Variants in RTL1 observed in about 807,000 individuals in gnomAD.
RTL1 encodes retrotransposon-like protein 1.
For synonymous variants in RTL1, 727 were observed against 748.4 expected (o/e 0.97, Z 0.47); for missense variants, 1,681 against 1,767.5 (o/e 0.95, Z 0.88).
In RTL1 at chr14:100,893,217, G is replaced by A. The variant is rs1247262034; in HGVS notation, c.-87+227C>T. 6.6e-6 allele frequency among the ~76,000 whole-genome samples: 1 copy of A among 152,148 alleles called. No individual in the cohort carries two copies. The highest frequency in any genetic ancestry group is 1.5e-5 in the Non-Finnish European group (1 of 68,018). ...ACTCATTCTAGCTTATTTGGTGTTC[G>A]AGGAGGGACAGGACAGCTGGCCCAG... On this transcript the variant is annotated intron_variant, in intron 3 of 3. Transcript: ENST00000649591. This position sits in a 1 kb window ranked among gnomAD's most constrained non-coding sequence, Gnocchi z 4.2.
intron 3 of RTL1, among the ~76,000 whole-genome samples, chr14:100,890,368 A>G (rs997035935): frequency 1.3e-5 from 2 of 151,248 alleles, no homozygotes; most frequent in African/African-American, 2.4e-5. Context: ...GCTCGCCTGT[A>G]CAGTAAAGGA....
rs181589184 is a variant in RTL1 at position 100,901,896 on chromosome 14, C to A, written c.-149+1395G>T. 2.6e-3 allele frequency among the ~76,000 whole-genome samples: 396 copies of A among 152,332 alleles called. 5 individuals carry two copies. The highest frequency in any genetic ancestry group is 9.3e-3 in the African/African-American group (386 of 41,586). On this transcript the variant is annotated intron_variant, in intron 2 of 3. Coordinates refer to ENST00000649591, the MANE Select transcript of RTL1 (RefSeq NM_001134888.3). ...TGTGCCTTTGCCATTTAGCCCAGGG[C>A]AAGCTACTCGGGAGAGGCCAAATGG...
Position 100,882,448 on chromosome 14 carries a change from C to T in RTL1, c.2341G>A (p.Val781Ile), listed in dbSNP as rs2038631194. Reference protein sequence around the residue: ...HRQTVEFLGFVVTPKGVKLNK... With the variant: ...HRQTVEFLGFIVTPKGVKLNK... ...AGTTTCACCCCTTTGGGGGTGACGA[C>T]GAAGCCCAGGAATTCCACGGTTTGG... Residue 781 changes from valine (V) to isoleucine (I), a missense_variant, in exon 4 of 4, where the codon GTC becomes ATC. Coordinates refer to ENST00000649591, the MANE Select transcript of RTL1 (RefSeq NM_001134888.3). 1.9e-6 allele frequency: 3 copies of T among 1,551,948 alleles called. No homozygotes were observed. Among genetic ancestry groups the T allele is most frequent in the African/African-American group, 2.7e-5 (2 of 73,034 alleles).
chr14:100,887,375 T>G (rs1258630749), intron 3 of RTL1, among the ~76,000 whole-genome samples: 5 of 152,232 alleles, frequency 3.3e-5, no homozygotes, highest in Non-Finnish European at 7.3e-5. Context: ...TCTAATTATT[T>G]TTAGCATAGA....
intron 2 of RTL1, chr14:100,897,960 G>C (rs1404489112): frequency 1.9e-6 from 1 of 516,856 alleles, no homozygotes; most frequent in Non-Finnish European, 3.9e-6. Flanking sequence ...AAAAGATCAT[G>C]ATTAATCCAG....
chr14:100,884,208 C>A lies in RTL1; in HGVS notation c.581G>T (p.Gly194Val). Residue 194 changes from glycine to valine, a missense_variant, in exon 4 of 4, where the codon GGG becomes GTG. Physicochemically the swap from Gly to Val is moderately radical, Grantham distance 109. Coordinates refer to ENST00000649591, the MANE Select transcript of RTL1 (RefSeq NM_001134888.3). ...GGCGGGCAGTTGGCCTGCATTGATC[C>A]CTTTGATCAAGATCTCTTCTGCTAC... ...QRVAEEILIK[G>V]INAGQLPAPK... is the part of the protein sequence containing the mutation. 2 of 1,551,724 alleles carry A rather than the reference C, an allele frequency of 1.3e-6. No homozygotes were observed. Among genetic ancestry groups the A allele is most frequent in the Non-Finnish European group, 1.7e-6 (2 of 1,146,984 alleles).
At chr14:100,900,436 C>T (rs2038925815) in intron 2 of RTL1, among the ~76,000 whole-genome samples, 2 of 152,230 alleles carry the variant, frequency 1.3e-5, no homozygotes, top group Non-Finnish European at 2.9e-5. Flanking sequence ...TACTCGGGAG[C>T]GTGAGCCTGG....
chr14:100,884,877 G>A lies in RTL1; in HGVS notation c.-86-3C>T. 3 of 1,236,654 alleles carry A rather than the reference G, an allele frequency of 2.4e-6. No homozygotes were observed. Among genetic ancestry groups the A allele is most frequent in the South Asian group, 1.6e-5 (1 of 63,798 alleles). 76.6% of individuals were successfully genotyped at this position (1,236,654 alleles called of 1,614,324 possible). Reference sequence around the variant, plus strand: ...GCTGGGACCGTGGAGATCAGAACCTGGTGGTGGAAGGGGAGTGTGGGGAGT... The same window carrying A: ...GCTGGGACCGTGGAGATCAGAACCTAGTGGTGGAAGGGGAGTGTGGGGAGT... On this transcript the variant is annotated splice_polypyrimidine_tract_variant and splice_region_variant and intron_variant, in intron 3 of 3. Transcript: ENST00000649591.
At chr14:100,891,166 G>A (rs748231878) in intron 3 of RTL1, among the ~76,000 whole-genome samples, 16 of 152,092 alleles carry the variant, frequency 1.1e-4, no homozygotes, top group Non-Finnish European at 1.9e-4. Context: ...CATAGCTTAT[G>A]TTGGAGTCCC....
At chr14:100,891,278 C>T (rs1240018841) in intron 3 of RTL1, among the ~76,000 whole-genome samples, 2 of 152,178 alleles carry the variant, frequency 1.3e-5, no homozygotes, top group Non-Finnish European at 2.9e-5. Flanking sequence ...CCAGGGCAGC[C>T]CAGTCTCGGA....
rs185564462 is a variant in RTL1, at chr14:100,888,114, C to T, written c.-86-3240G>A. The stretch of plus-strand genomic sequence containing the variant: ...AACGCTTTACTGGCTGACATCCGAA[C>T]GCCTCTGCATGAGATTTCAACAATG... On this transcript the variant is annotated intron_variant, in intron 3 of 3. Transcript: ENST00000649591. Among the ~76,000 whole-genome samples, 617 of 152,268 alleles carry T rather than the reference C, an allele frequency of 4.1e-3. 6 individuals are homozygous for T. The highest frequency in any genetic ancestry group is 0.014 in the African/African-American group (597 of 41,530).
chr14:100,897,111 C>T (rs1029937722), intron 2 of RTL1, among the ~76,000 whole-genome samples: 9 of 152,076 alleles, frequency 5.9e-5, no homozygotes, highest in South Asian at 2.1e-4. Context: ...ACAGGCTGCT[C>T]GGAGGCTTGG....
intron 3 of RTL1, among the ~76,000 whole-genome samples, chr14:100,892,027 G>T (rs185545703): frequency 4.6e-5 from 7 of 152,312 alleles, no homozygotes; most frequent in African/African-American, 1.4e-4. Context: ...TATAAATTGG[G>T]GTCGTCGTAT....
intron 3 of RTL1, among the ~76,000 whole-genome samples, chr14:100,888,918 T>A (rs1160480524): frequency 6.6e-6 from 1 of 152,198 alleles, no homozygotes; most frequent in East Asian, 1.9e-4. Flanking sequence ...AGATAGAAAT[T>A]CAAAATGTTT....
chr14:100,880,870 G>A lies in RTL1; in HGVS notation c.3919C>T (p.His1307Tyr). 7 of 1,549,642 alleles carry A rather than the reference G, an allele frequency of 4.5e-6. No individual in the cohort carries two copies. Among genetic ancestry groups the A allele is most frequent in the Non-Finnish European group, 6.1e-6 (7 of 1,146,788 alleles). Residue 1307 changes from histidine to tyrosine, a missense_variant, in exon 4 of 4, where the codon CAC becomes TAC. Physicochemically the swap from His to Tyr is moderately conservative, Grantham distance 83 (BLOSUM62 2). Coordinates refer to ENST00000649591, the MANE Select transcript of RTL1 (RefSeq NM_001134888.3). ...GCTGCCTGCTCCCGGCTGAGCAGGT[G>A]CAGCTGGCCATCTGCACTGTGGATG... ...LHIHSADGQL[H>Y]LLSREQAARA...
chr14:100,901,413 G>A (rs1357917099), intron 2 of RTL1, among the ~76,000 whole-genome samples: 2 of 152,218 alleles, frequency 1.3e-5, no homozygotes, highest in Non-Finnish European at 2.9e-5. Context: ...CCCTGATAAA[G>A]GTCCCACAGT....
At chr14:100,888,219 T>C (rs2038720335) in intron 3 of RTL1, among the ~76,000 whole-genome samples, 1 of 152,208 alleles carries the variant, frequency 6.6e-6, no homozygotes, top group Non-Finnish European at 1.5e-5. Flanking sequence ...CACATCTCCT[T>C]AGCATGTGAG....
chr14:100,896,022 G>A (rs928180044), intron 2 of RTL1, among the ~76,000 whole-genome samples: 14 of 151,066 alleles, frequency 9.3e-5, no homozygotes, highest in African/African-American at 3.4e-4. Flanking sequence ...GCAGTTAGCC[G>A]AGATTGCACC....
chr14:100,897,085 C>T (rs1033795633), intron 2 of RTL1, among the ~76,000 whole-genome samples: 1 of 152,178 alleles, frequency 6.6e-6, no homozygotes, highest in South Asian at 2.1e-4. Flanking sequence ...ACACACCTGC[C>T]AGCCCGATGT....
Sources: gnomAD v4.1 joint callset for allele counts (sites outside exome capture counted in the v4.1 genomes callset) on GRCh38, gnomAD v4.1.1 for gene constraint, Gnocchi (gnomAD v3.1) non-coding constraint, MANE v1.5 for transcripts, NCBI Gene and HGNC (gene_info 2026-07-23, HGNC 2026-07-21) for gene names.